ODF2L: variants seen among roughly 807,000 people sequenced by gnomAD.
The protein encoded by ODF2L is outer dense fiber of sperm tails 2 like, also known as protein BCAP.
ODF2L carries 76 observed loss-of-function variants against 86.3 expected under a neutral mutation model. That is an observed-to-expected ratio of 0.88 (90% confidence interval 0.73 to 1.07). The LOEUF is 1.07. Ranked by LOEUF, ODF2L falls within the 50% of genes least tolerant of loss-of-function variation. The pLI, the probability that ODF2L is intolerant of heterozygous loss-of-function variation, is 0.00. For missense variants in ODF2L, 748 were observed against 717.4 expected, an observed-to-expected ratio of 1.04 and a Z score of -0.49; for synonymous variants, 241 against 231.3, an observed-to-expected ratio of 1.04 and a Z score of -0.38.
At chr1:86,378,387 G>A (rs897176602) in intron 7 of ODF2L, among the ~76,000 whole-genome samples, 3 of 152,156 alleles carry the variant, frequency 2.0e-5, no homozygotes, top group Non-Finnish European at 4.4e-5. Context: ...CTTCTGAGCT[G>A]TCCAAACTGT....
At chr1:86,394,272 T>C (rs1014119371) in intron 1 of ODF2L, among the ~76,000 whole-genome samples, 9 of 151,920 alleles carry the variant, frequency 5.9e-5, no homozygotes, top group African/African-American at 1.9e-4. Flanking sequence ...AAAAATTAGC[T>C]AGGCGTGGTG....
chr1:86,368,299 G>C (rs1659578573), intron 11 of ODF2L, among the ~76,000 whole-genome samples: 1 of 151,918 alleles, frequency 6.6e-6, no homozygotes, highest in Admixed American at 6.6e-5. Context: ...TATGTTTGTT[G>C]TATTATTTAC....
chr1:86,384,902 T>C, intron 3 of ODF2L, 101 bp from the exon 4 acceptor site: 2 of 917,612 alleles, frequency 2.2e-6, no homozygotes, highest in Non-Finnish European at 2.9e-6. Flanking sequence ...CTAAACAAAA[T>C]CATTCTTTTG....
intron 16 of ODF2L, 116 bp from the exon 16 acceptor site, chr1:86,353,100 A>C (rs1198562998): frequency 6.0e-6 from 4 of 663,480 alleles, no homozygotes; most frequent in Non-Finnish European, 1.0e-5. Context: ...GTTATATCCA[A>C]GTTTAAAGAT....
intron 3 of ODF2L, among the ~76,000 whole-genome samples, chr1:86,385,132 T>C (rs964932244): frequency 1.3e-5 from 2 of 152,024 alleles, no homozygotes; most frequent in Admixed American, 6.6e-5. Flanking sequence ...AATAATACTA[T>C]AGAAACAGAT....
chr1:86,362,260 G>C (rs897033640), intron 11 of ODF2L, among the ~76,000 whole-genome samples: 2 of 151,710 alleles, frequency 1.3e-5, no homozygotes, highest in Non-Finnish European at 2.9e-5. Context: ...GCAGTGACAC[G>C]ATCTGACTAA....
At chr1:86,375,586 A>C (rs995681639) in intron 8 of ODF2L, among the ~76,000 whole-genome samples, 3 of 152,190 alleles carry the variant, frequency 2.0e-5, no homozygotes, top group African/African-American at 7.2e-5. Context: ...ATAATTTATC[A>C]AAAACAACAA....
At chr1:86,355,250 G>A (rs1658452115) in intron 14 of ODF2L, 1 of 800,268 alleles carries the variant, frequency 1.2e-6, no homozygotes, top group East Asian at 2.7e-5. Flanking sequence ...TAAAAATACT[G>A]ATTAATAATT....
chr1:86,390,345 A>T lies in ODF2L; in HGVS notation c.-59-3259T>A, dbSNP rs1478389655. On this transcript the variant is annotated intron_variant, in intron 1 of 17. Coordinates refer to ENST00000317336, the Ensembl canonical transcript of ODF2L. ...CTGAGGCAGAGAATTGCTTGAACCC[A>T]GGAGGCGGAGGTTGCAGTGAGCCAC... 2.0e-5 allele frequency among the ~76,000 whole-genome samples: 3 copies of T among 152,128 alleles called. No homozygotes were observed. The South Asian group carries it at 6.2e-4, about 31-fold the overall frequency.
chr1:86,387,439 A>ATTC (rs1271814684), intron 1 of ODF2L, among the ~76,000 whole-genome samples: 2 of 152,222 alleles, frequency 1.3e-5, no homozygotes, highest in African/African-American at 4.8e-5. Context: ...AGTCTGTCTT[A>ATTC]TTAGGCCCAT....
Position 86,391,566 on chromosome 1 carries a change from A to G in ODF2L, c.-60+4467T>C, listed in dbSNP as rs768291008. Among the ~76,000 whole-genome samples the G allele has an allele frequency of 2.6e-5, 4 of 152,190 alleles. No individual in the cohort carries two copies. In the East Asian group the frequency reaches 7.7e-4, roughly 29 times the overall value. On this transcript the variant is annotated intron_variant, in intron 1 of 17. Coordinates refer to ENST00000317336, the Ensembl canonical transcript of ODF2L. ...TATTTGACAAAGCAAGCAAAAACAT[A>G]AAGTGGGGAAAAGACACCCTATTCA...
intron 13 of ODF2L, chr1:86,357,994 G>T: frequency 1.0e-6 from 1 of 985,354 alleles, no homozygotes; most frequent in Non-Finnish European, 1.2e-6. Flanking sequence ...GTAATTCCAT[G>T]AAAGCAGTAA....
chr1:86,353,135 A>G, intron 16 of ODF2L, 151 bp from the exon 16 acceptor site: 1 of 569,766 alleles, frequency 1.8e-6, no homozygotes, highest in East Asian at 3.2e-5. Flanking sequence ...AAGCATATAT[A>G]GCGTAAGTAT....
At chr1:86,389,911 A>C (rs1202757551) in intron 1 of ODF2L, among the ~76,000 whole-genome samples, 6 of 152,170 alleles carry the variant, frequency 3.9e-5, no homozygotes, top group Non-Finnish European at 7.4e-5. Context: ...CCAACAAAAA[A>C]AGAAGTCCAG....
intron 7 of ODF2L, among the ~76,000 whole-genome samples, chr1:86,377,935 T>C (rs1328056351): frequency 6.6e-6 from 1 of 152,196 alleles, no homozygotes; most frequent in African/African-American, 2.4e-5. Context: ...ACCACTTGAA[T>C]TTCTCCCCAG....
At chr1:86,387,951 T>TA (rs1356165266) in intron 1 of ODF2L, among the ~76,000 whole-genome samples, 1 of 152,078 alleles carries the variant, frequency 6.6e-6, no homozygotes, top group African/African-American at 2.4e-5. Flanking sequence ...TTTTAACACT[T>TA]AGAGTAGAAG....
At chr1:86,372,482 T>C (rs1466924715) in exon 9 of ODF2L, 1 of 1,524,736 alleles carries the variant, frequency 6.6e-7, no homozygotes, top group Non-Finnish European at 8.8e-7. Context: ...TATCACAATT[T>C]TCTCATAATG....
downstream of ODF2L, chr1:86,347,990 G>C (rs758185504): frequency 1.9e-4 from 29 of 152,288 alleles, no homozygotes; most frequent in Middle Eastern, 3.4e-3. Context: ...GCCATGGAAA[G>C]GGTGGGATAA....
chr1:86,384,236 A>G (rs1660778199), intron 4 of ODF2L, among the ~76,000 whole-genome samples: 1 of 151,822 alleles, frequency 6.6e-6, no homozygotes, highest in East Asian at 1.9e-4. Flanking sequence ...AGTGATAAAA[A>G]TGCTTTAAAA....
Sources: allele counts gnomAD v4.1 joint callset (sites outside exome capture counted in the v4.1 genomes callset), GRCh38; gene constraint gnomAD v4.1.1; transcripts MANE v1.5; gene names NCBI Gene and HGNC (gene_info 2026-07-23, HGNC 2026-07-21).